Variants in ADAM10 observed in about 807,000 individuals in gnomAD.
The protein encoded by ADAM10 is disintegrin and metalloproteinase domain-containing protein 10.
In ADAM10, 17 loss-of-function variants were observed where a neutral mutation model predicts 90.1. That is an observed-to-expected ratio of 0.19 (90% CI 0.13 to 0.28). ADAM10 has a LOEUF of 0.28. Ranked by LOEUF, ADAM10 falls within the 10% of genes least tolerant of loss-of-function variation. The probability of loss-of-function intolerance (pLI) is 1.00; values close to 1 mark genes in which losing one functional copy is unlikely to be tolerated. For synonymous variants in ADAM10, 310 were observed against 298.6 expected, an observed-to-expected ratio of 1.04 and a Z score of -0.40; for missense variants, 610 against 914.3, an observed-to-expected ratio of 0.67 and a Z score of 4.29.
At chr15:58,620,001 T>C (rs1246092335) in intron 11 of ADAM10, among the ~76,000 whole-genome samples, 1 of 152,002 alleles carries the variant, frequency 6.6e-6, no homozygotes, top group Non-Finnish European at 1.5e-5. Flanking sequence ...CATACTACAT[T>C]CCACATTCTT....
chr15:58,677,823 C>A (rs868676562), intron 4 of ADAM10, among the ~76,000 whole-genome samples: 1 of 152,078 alleles, frequency 6.6e-6, no homozygotes, highest in South Asian at 2.1e-4. Context: ...GCCTGCTGCA[C>A]AGACAAATGA....
chr15:58,688,786 A>ATC lies in ADAM10; in HGVS notation c.207-6474_207-6473dup, dbSNP rs1176204968. On this transcript the variant is annotated intron_variant, in intron 2 of 15. Coordinates refer to ENST00000260408, the MANE Select transcript of ADAM10 (RefSeq NM_001110.4). ...AAAAATTATATATATATATATATAT[A>ATC]TCTCTCTCTCTCACTGGACTGACTT... is the stretch of plus-strand genomic sequence containing the variant. Among the ~76,000 whole-genome samples, 1,115 of 122,334 alleles carry ATC rather than the reference A, an allele frequency of 9.1e-3. 22 individuals carry two copies. The highest frequency in any genetic ancestry group is 0.039 in the East Asian group (142 of 3,644). 80.3% of individuals were successfully genotyped at this position (122,334 alleles called of 152,430 possible).
chr15:58,617,813 T>C (rs1355969727), intron 11 of ADAM10, among the ~76,000 whole-genome samples: 2 of 144,886 alleles, frequency 1.4e-5, no homozygotes, highest in African/African-American at 5.1e-5. Context: ...AAAAAAAGAG[T>C]AAGTTTAATA....
chr15:58,707,538 C>T (rs1176133181), intron 2 of ADAM10, among the ~76,000 whole-genome samples: 1 of 151,964 alleles, frequency 6.6e-6, no homozygotes, highest in Non-Finnish European at 1.5e-5. Flanking sequence ...AAAACTAAAA[C>T]TTAAAATGAG....
At chr15:58,655,739 A>ATATATAT (rs1309354113) in intron 5 of ADAM10, among the ~76,000 whole-genome samples, 14 of 80,564 alleles carry the variant, frequency 1.7e-4, no homozygotes, top group African/African-American at 4.7e-4. Context: ...ATATATATAT[A>ATATATAT]TTCTTTTTTT....
intron 14 of ADAM10, among the ~76,000 whole-genome samples, chr15:58,603,745 T>C (rs887560712): frequency 1.3e-5 from 2 of 151,938 alleles, no homozygotes; most frequent in Non-Finnish European, 2.9e-5. Flanking sequence ...AGCAAAAACT[T>C]GAGCACACGA....
At chr15:58,605,983 G>C (rs1895261874) in intron 14 of ADAM10, among the ~76,000 whole-genome samples, 2 of 152,134 alleles carry the variant, frequency 1.3e-5, no homozygotes, top group South Asian at 4.1e-4. Flanking sequence ...AGCGAGGACA[G>C]GGAAGACATG....
intron 2 of ADAM10, among the ~76,000 whole-genome samples, chr15:58,714,250 A>G (rs972673458): frequency 2.6e-5 from 4 of 151,834 alleles, no homozygotes; most frequent in Non-Finnish European, 5.9e-5. Flanking sequence ...GTGCTTAGAC[A>G]TAAAAACCAC....
intron 5 of ADAM10, among the ~76,000 whole-genome samples, chr15:58,660,978 C>T (rs1032294203): frequency 2.6e-5 from 4 of 152,224 alleles, no homozygotes; most frequent in South Asian, 2.1e-4. Flanking sequence ...GCCCACAGGC[C>T]GTAGTTTGCT....
chr15:58,671,974 G>C (rs1249509381), intron 4 of ADAM10, among the ~76,000 whole-genome samples: 5 of 151,868 alleles, frequency 3.3e-5, no homozygotes, highest in African/African-American at 1.2e-4. Context: ...TATAACTCTA[G>C]ACTTCAGTTT....
intron 2 of ADAM10, among the ~76,000 whole-genome samples, chr15:58,688,211 T>C (rs1337736350): frequency 6.6e-6 from 1 of 152,140 alleles, no homozygotes; most frequent in East Asian, 1.9e-4. Context: ...TCTACAATTA[T>C]TTTTAAATTA....
rs564711948 is a variant in ADAM10 at position 58,644,949 on chromosome 15, A to C, written c.736-971T>G. Among the ~76,000 whole-genome samples the C allele has an allele frequency of 3.9e-5, 6 of 152,300 alleles. 1 individual carries two copies. The highest frequency in any genetic ancestry group is 1.4e-4 in the African/African-American group (6 of 41,556). Reference sequence around the variant, plus strand: ...AAGGAGATAAACGATGATAAACCCAAAAGTATCCGTTTACCTAGCTGACCC... The same window carrying C: ...AAGGAGATAAACGATGATAAACCCACAAGTATCCGTTTACCTAGCTGACCC... On this transcript the variant is annotated intron_variant, in intron 6 of 15. Coordinates refer to ENST00000260408, the MANE Select transcript of ADAM10 (RefSeq NM_001110.4).
rs1896479976 is a variant in ADAM10, at chr15:58,643,886, T to C, written c.828A>G (p.Arg276=). The C allele has an allele frequency of 6.2e-7, 1 of 1,606,826 alleles. No homozygotes were observed. The highest frequency in any genetic ancestry group is 8.5e-7 in the Non-Finnish European group (1 of 1,173,440). Reference sequence around the variant, plus strand: ...GTTTTTAACTATTTAAGTTCCTTACTCTTATGCGTTTCACCATGAAACTGA... The same window carrying C: ...GTTTTTAACTATTTAAGTTCCTTACCCTTATGCGTTTCACCATGAAACTGA... The part of the protein sequence containing the change: ...RNISFMVKRI[R]INTTADEKDP... The change falls in exon 7 of 16, where the codon AGA becomes AGG. Residue 276 remains arginine (R), a splice_region_variant and synonymous_variant. Coordinates refer to ENST00000260408, the MANE Select transcript of ADAM10 (RefSeq NM_001110.4).
intron 11 of ADAM10, among the ~76,000 whole-genome samples, chr15:58,619,058 G>C (rs1330779347): frequency 6.6e-6 from 1 of 152,134 alleles, no homozygotes; most frequent in Admixed American, 6.5e-5. Flanking sequence ...CCCGTTTACT[G>C]TATCACTATG....
chr15:58,683,139 T>C (rs550948219), intron 2 of ADAM10, among the ~76,000 whole-genome samples: 3 of 152,266 alleles, frequency 2.0e-5, no homozygotes, highest in Non-Finnish European at 2.9e-5. Context: ...ACCTGGCACA[T>C]TGGAGATATA....
In ADAM10 at chr15:58,599,599, TG is replaced by T; in HGVS notation, c.2150del (p.Pro717GlnfsTer4). ...NPKLPPPKPL[P>X]GTLKRRRPPQ... The stretch of plus-strand genomic sequence containing the variant: ...TGTATCTTGCTCAAATATTCTTACC[TG>T]GAAGTGGTTTAGGAGGAGGCAACTT... On this transcript the variant is annotated frameshift_variant and splice_region_variant, in exon 15 of 16. Transcript: ENST00000260408. LOFTEE classifies it high-confidence loss of function. 1 of 1,613,192 alleles carries T rather than the reference TG, an allele frequency of 6.2e-7. No individual in the cohort carries two copies. Among genetic ancestry groups the T allele is most frequent in the Non-Finnish European group, 8.5e-7 (1 of 1,179,402 alleles).
chr15:58,603,582 T>G (rs1478121475), intron 14 of ADAM10, among the ~76,000 whole-genome samples: 1 of 152,188 alleles, frequency 6.6e-6, no homozygotes, highest in Non-Finnish European at 1.5e-5. Context: ...TCATCTTTAC[T>G]TTCATTTTTA....
intron 2 of ADAM10, among the ~76,000 whole-genome samples, chr15:58,701,785 A>G (rs1312664939): frequency 6.6e-6 from 1 of 152,154 alleles, no homozygotes; most frequent in Non-Finnish European, 1.5e-5. Context: ...ATATATACAC[A>G]ATGGAGTACA....
intron 2 of ADAM10, among the ~76,000 whole-genome samples, chr15:58,716,144 TTAAG>T (rs1898651447): frequency 6.6e-6 from 1 of 152,178 alleles, no homozygotes; most frequent in South Asian, 2.1e-4. Flanking sequence ...ATACATTAAT[TTAAG>T]TGACACATTT....
Sources: allele counts gnomAD v4.1 joint callset (sites outside exome capture counted in the v4.1 genomes callset), GRCh38; gene constraint gnomAD v4.1.1; transcripts MANE v1.5; gene names NCBI Gene and HGNC (gene_info 2026-07-23, HGNC 2026-07-21).